The following BTD variants were observed in gnomAD, a reference collection of about 807,000 sequenced individuals.
The protein encoded by BTD is biotinidase, also known as biocytinase.
Under a neutral mutation model 17.7 loss-of-function variants are expected in BTD, and 13 were observed. That is an observed-to-expected ratio of 0.74 (90% CI 0.48 to 1.17). BTD has a LOEUF of 1.17. Among genes scored for constraint, BTD ranks in the 50% most tolerant of loss-of-function variants. The pLI is 0.00. For synonymous variants in BTD, 240 were observed against 245.2 expected, an observed-to-expected ratio of 0.98 and a Z score of 0.20; for missense variants, 674 against 650.4, an observed-to-expected ratio of 1.04 and a Z score of -0.39.
chr3:15,696,864 T>C (rs1034046287), intron 3 of BTD, among the ~76,000 whole-genome samples: 4 of 152,192 alleles, frequency 2.6e-5, no homozygotes, highest in Non-Finnish European at 4.4e-5. Flanking sequence ...AAAACCACTA[T>C]GGAAAACTGT....
rs138617983 is a variant in BTD, at chr3:15,636,088, G to A, written c.249+400G>A. Reference sequence around the variant, plus strand: ...TGGCTGCCCGGGTCCTGGAGAGTCCGTTGTAATTGGTGTGGAAGGGGTGTG... The same window carrying A: ...TGGCTGCCCGGGTCCTGGAGAGTCCATTGTAATTGGTGTGGAAGGGGTGTG... On this transcript the variant is annotated intron_variant, in intron 2 of 3. Transcript: ENST00000643237. 5.2e-3 allele frequency among the ~76,000 whole-genome samples: 786 copies of A among 152,286 alleles called. 12 individuals are homozygous for A. Among genetic ancestry groups the A allele is most frequent in the African/African-American group, 0.018 (739 of 41,548 alleles).
At chr3:15,630,695 A>G (rs554124553) in intron 1 of BTD, among the ~76,000 whole-genome samples, 12 of 152,258 alleles carry the variant, frequency 7.9e-5, no homozygotes, top group African/African-American at 2.6e-4. Context: ...ATTTTTTTTG[A>G]AAGTGAAATT....
intron 3 of BTD, among the ~76,000 whole-genome samples, chr3:15,682,587 T>C (rs557076671): frequency 4.3e-4 from 65 of 152,364 alleles, no homozygotes; most frequent in Admixed American, 1.2e-3. Context: ...TGAATGACTA[T>C]ATAAACTGAA....
Position 15,711,115 on chromosome 3 carries a change from T to C in BTD, c.*1041T>C, listed in dbSNP as rs2072214462. The stretch of plus-strand genomic sequence containing the variant: ...AACTCCTGTTTTGTTTTCTATTTTC[T>C]GGCAGCCCAGAATTAATAAAAAAGA... On this transcript the variant is annotated 3_prime_UTR_variant, in exon 4 of 4. Transcript: ENST00000672141. 5 of 1,061,692 alleles carry C rather than the reference T, an allele frequency of 4.7e-6. No homozygotes were observed. In the South Asian group the frequency reaches 8.5e-5, roughly 18 times the overall value. The allele number at this position is 1,061,692 out of a possible 1,614,324, so 65.8% of individuals were successfully genotyped here.
Position 15,623,389 on chromosome 3 carries a change from T to C in BTD, c.-16-12035T>C, listed in dbSNP as rs2455825. ...TTTCGAATTGATATATTTATACCAT[T>C]GACTTTTAAAGTGATTATTGATATA... On this transcript the variant is annotated intron_variant, in intron 1 of 3. Transcript: ENST00000643237. 5.4e-3 allele frequency among the ~76,000 whole-genome samples: 828 copies of C among 152,366 alleles called. 4 individuals are homozygous for C. The highest frequency in any genetic ancestry group is 0.018 in the African/African-American group (751 of 41,574).
Position 15,635,522 on chromosome 3 carries a change from G to C in BTD, c.83G>C (p.Ser28Thr), listed in dbSNP as rs1173924570. 1.2e-6 allele frequency: 2 copies of C among 1,614,038 alleles called. No individual in the cohort carries two copies. Among genetic ancestry groups the C allele is most frequent in the Non-Finnish European group, 8.5e-7 (1 of 1,180,030 alleles). ...VALGAHTGEE[S>T]VADHHEAEYY... ...CTGGGAGCCCACACCGGGGAGGAGA[G>C]CGTGGCTGACCATCACGAGGCTGAA... Residue 28 changes from serine (S) to threonine (T), a missense_variant, in exon 2 of 4, where the codon AGC becomes ACC. By Grantham distance (58) the Ser-to-Thr change is moderately conservative. Transcript: ENST00000643237. This position sits in a 1 kb window ranked among gnomAD's most constrained non-coding sequence, Gnocchi z 4.1.
intron 3 of BTD, among the ~76,000 whole-genome samples, chr3:15,665,816 G>C (rs2065976810): frequency 6.6e-6 from 1 of 152,186 alleles, no homozygotes; most frequent in Non-Finnish European, 1.5e-5. Flanking sequence ...CCATCAGTGT[G>C]GAAACTTCTG....
In BTD at chr3:15,651,053, C is replaced by G. The variant is rs1410445927; in HGVS notation, c.*5565C>G. 6.6e-6 allele frequency among the ~76,000 whole-genome samples: 1 copy of G among 152,222 alleles called. No individual in the cohort carries two copies. The highest frequency in any genetic ancestry group is 1.5e-5 in the Non-Finnish European group (1 of 68,040). On this transcript the variant is annotated 3_prime_UTR_variant, in exon 4 of 4. Coordinates refer to ENST00000643237, the MANE Select transcript of BTD (RefSeq NM_001370658.1). ...AAAGTGCTGGGATTACAGGCGTGAG[C>G]CACCGTACCCGGCCAGGGCTGTGAT...
At chr3:15,665,354 G>C (rs1368445856) in intron 3 of BTD, among the ~76,000 whole-genome samples, 1 of 152,186 alleles carries the variant, frequency 6.6e-6, no homozygotes, top group African/African-American at 2.4e-5. Flanking sequence ...ACACCAGAGA[G>C]GGGACTGGTG....
At chr3:15,605,007 C>T (rs1315439008) in intron 1 of BTD, among the ~76,000 whole-genome samples, 1 of 152,224 alleles carries the variant, frequency 6.6e-6, no homozygotes, top group Non-Finnish European at 1.5e-5. Flanking sequence ...TTCCTATCTT[C>T]TTCTGAGCCC....
Position 15,644,890 on chromosome 3 carries a change from T to C in BTD, c.974T>C (p.Ile325Thr), listed in dbSNP as rs752682410. 1.1e-5 allele frequency: 17 copies of C among 1,614,154 alleles called. No individual in the cohort carries two copies. The South Asian group carries it at 1.4e-4, about 14-fold the overall frequency. The change falls in exon 4 of 4, where the codon ATT becomes ACT. Residue 325 changes from isoleucine to threonine, a missense_variant. Coordinates refer to ENST00000643237, the MANE Select transcript of BTD (RefSeq NM_001370658.1). ...GTGGCCAAAAATCCAGTGGGTCTCA[T>C]TGGTGCAGAGAATGCAACAGGTGAA... ...AQVAKNPVGL[I>T]GAENATGETD... is the part of the protein sequence containing the mutation.
rs1470511078 is a variant in BTD at position 15,694,127 on chromosome 3, T to C, written c.400-15933T>C. On this transcript the variant is annotated intron_variant, in intron 3 of 3. Transcript: ENST00000672141. ...CTGTACAGGAAGCTAGATTAGGATC[T>C]ACTTGAAATTTAAGGTAATAAATTC... 9.9e-5 allele frequency among the ~76,000 whole-genome samples: 15 copies of C among 152,256 alleles called. No individual in the cohort carries two copies. In the East Asian group the frequency reaches 2.9e-3, roughly 29 times the overall value.
rs1245565575 is a variant in BTD, at chr3:15,652,561, C to T, written c.*7073C>T. On this transcript the variant is annotated 3_prime_UTR_variant, in exon 4 of 4. Transcript: ENST00000643237. ...AAACGACTGCAACCTCATGAGAGAC[C>T]CTGAGCCGGAACCACCCCACAAAGT... Among the ~76,000 whole-genome samples the T allele has an allele frequency of 6.6e-6, 1 of 152,178 alleles. No homozygotes were observed. The highest frequency in any genetic ancestry group is 2.4e-5 in the African/African-American group (1 of 41,446).
At chr3:15,677,067 G>C in intron 3 of BTD, 1 of 1,608,496 alleles carries the variant, frequency 6.2e-7, no homozygotes, top group Non-Finnish European at 8.5e-7. Flanking sequence ...CTATAATTGT[G>C]GCAGATAAGT....
At chr3:15,640,264 G>A (rs140559634) in intron 2 of BTD, among the ~76,000 whole-genome samples, 76 of 152,230 alleles carry the variant, frequency 5.0e-4, no homozygotes, top group African/African-American at 1.8e-3. Context: ...TATGCAGATG[G>A]TCACCACAGT....
intron 1 of BTD, among the ~76,000 whole-genome samples, chr3:15,616,988 A>T (rs1184512003): frequency 2.6e-5 from 4 of 151,946 alleles, no homozygotes; most frequent in Non-Finnish European, 5.9e-5. Flanking sequence ...ACGAGCCACC[A>T]CACCCAGCTA....
chr3:15,630,154 C>A (rs896550636), intron 1 of BTD: 96 of 869,408 alleles, frequency 1.1e-4, no homozygotes, highest in Non-Finnish European at 1.3e-4. Flanking sequence ...AAACTCAAAT[C>A]TTGAAAGTCA....
intron 3 of BTD, among the ~76,000 whole-genome samples, chr3:15,700,092 A>G (rs7641052): frequency 0.72 from 109,775 of 152,118 alleles, 39,828 homozygotes; most frequent in East Asian, 0.94. Flanking sequence ...GCAGGGACAC[A>G]GATGAAGCTG....
At chr3:15,629,930 T>C (rs1024248645) in intron 1 of BTD, 2 of 468,184 alleles carry the variant, frequency 4.3e-6, no homozygotes, top group East Asian at 3.1e-4. Context: ...AAAATAATAA[T>C]AATGGATATT....
Sources: allele counts gnomAD v4.1 joint callset (sites outside exome capture counted in the v4.1 genomes callset), GRCh38; gene constraint gnomAD v4.1.1; non-coding constraint Gnocchi (gnomAD v3.1); transcripts MANE v1.5; gene names NCBI Gene and HGNC (gene_info 2026-07-23, HGNC 2026-07-21).